The following LRIG1 variants were observed in gnomAD, a reference collection of about 807,000 sequenced individuals.
LRIG1 encodes the protein leucine-rich repeats and immunoglobulin-like domains protein 1.
A neutral mutation model predicts 99.2 loss-of-function variants in LRIG1; 48 were observed. The ratio of observed to expected loss-of-function variants is 0.48; its 90% CI spans 0.38 to 0.62. The LOEUF (loss-of-function observed/expected upper bound fraction) is 0.62, where lower values mean the gene tolerates loss of function less well. Among genes scored for constraint, LRIG1 ranks in the 20% least tolerant of loss-of-function variants. The pLI, the probability that LRIG1 is intolerant of heterozygous loss-of-function variation, is 0.00. For synonymous variants in LRIG1, 772 were observed against 596.1 expected, an observed-to-expected ratio of 1.29 and a Z score of -4.30; for missense variants, 1,646 against 1,434.4, an observed-to-expected ratio of 1.15 and a Z score of -2.38.
At chr3:66,457,836 G>C (rs1356489615) in intron 2 of LRIG1, among the ~76,000 whole-genome samples, 2 of 152,164 alleles carry the variant, frequency 1.3e-5, no homozygotes, top group Admixed American at 1.3e-4. Context: ...AGACGGTACT[G>C]TTGCCATAGA....
At chr3:66,484,324 G>T (rs1035701406) in intron 1 of LRIG1, among the ~76,000 whole-genome samples, 5 of 152,166 alleles carry the variant, frequency 3.3e-5, no homozygotes, top group African/African-American at 7.2e-5. Context: ...CTTCACACTA[G>T]ATTCTGGGAA....
At chr3:66,427,186 G>T (rs919455671) in intron 3 of LRIG1, among the ~76,000 whole-genome samples, 3 of 152,166 alleles carry the variant, frequency 2.0e-5, no homozygotes, top group Non-Finnish European at 4.4e-5. Flanking sequence ...TGCTGCACTG[G>T]AATTCTTACC....
intron 3 of LRIG1, among the ~76,000 whole-genome samples, chr3:66,444,870 TA>T (rs1553720985): frequency 5.2e-3 from 1 of 194 alleles, no homozygotes; most frequent in South Asian, 0.1. Context: ...TTTAGATAAT[TA>T]TATATATATA....
At chr3:66,393,919 C>G in intron 12 of LRIG1, 121 bp downstream of exon 12, 2 of 1,026,830 alleles carry the variant, frequency 1.9e-6, no homozygotes, top group Non-Finnish European at 2.9e-6. Flanking sequence ...CATCCAGCAG[C>G]TGATCTGTAA....
Position 66,474,818 on chromosome 3 carries a change from A to G in LRIG1, c.219-12309T>C, listed in dbSNP as rs573051430. ...AAACTGTATCTTAACCAAATAATGA[A>G]TACTGGTACCTGTGGAATATGAGTT... On this transcript the variant is annotated intron_variant, in intron 1 of 18. Coordinates refer to ENST00000273261, the MANE Select transcript of LRIG1 (RefSeq NM_015541.3). Among the ~76,000 whole-genome samples the G allele has an allele frequency of 3.0e-4, 46 of 152,328 alleles. 1 individual carries two copies. In the South Asian group the frequency reaches 9.5e-3, roughly 32 times the overall value.
intron 3 of LRIG1, among the ~76,000 whole-genome samples, chr3:66,418,791 G>C (rs1040224000): frequency 3.9e-5 from 6 of 152,072 alleles, no homozygotes; most frequent in Non-Finnish European, 8.8e-5. Flanking sequence ...GAAGCTCTGG[G>C]GCTTCTCGTG....
chr3:66,444,308 C>CA (rs1351634951), intron 3 of LRIG1, among the ~76,000 whole-genome samples: 1 of 152,210 alleles, frequency 6.6e-6, no homozygotes, highest in African/African-American at 2.4e-5. Flanking sequence ...ATGTAACAGT[C>CA]ATGGGCCTCC....
chr3:66,380,882 TG>T (rs1202901281), intron 17 of LRIG1, 21 bp from the exon 18 acceptor site: 83 of 1,609,638 alleles, frequency 5.2e-5, no homozygotes, highest in Non-Finnish European at 6.8e-5. Flanking sequence ...GCGCCAAAGA[TG>T]GGTTAGAGTC....
At position 66,397,463 on chromosome 3, in the gene LRIG1, A is replaced by C. The variant is rs547149531; in HGVS notation, c.1304+649T>G. ...CATGTCTAGCTAAAAAAAAAAAAAA[A>C]AAACCAGAAAGGAAAACTTGGGTGT... On this transcript the variant is annotated intron_variant, in intron 11 of 18. Coordinates refer to ENST00000273261, the MANE Select transcript of LRIG1 (RefSeq NM_015541.3). Among the ~76,000 whole-genome samples the C allele has an allele frequency of 6.6e-5, 10 of 151,870 alleles. No homozygotes were observed. In the East Asian group the frequency reaches 1.9e-3, roughly 29 times the overall value.
In LRIG1 at chr3:66,380,207, C is replaced by G. The variant is rs946338659; in HGVS notation, c.*56G>C. ...TTGAACCCAAGCTTCCTCGCAGCCTCTCCTACCTCTCTTTCCCGTAGAGAT... is the reference window on the plus strand; with the variant it reads ...TTGAACCCAAGCTTCCTCGCAGCCTGTCCTACCTCTCTTTCCCGTAGAGAT... On this transcript the variant is annotated 3_prime_UTR_variant, in exon 19 of 19. Transcript: ENST00000273261. The G allele has an allele frequency of 5.5e-6, 8 of 1,466,648 alleles. No individual in the cohort carries two copies. The allele number at this position is 1,466,648 out of a possible 1,614,324, so 90.9% of individuals were successfully genotyped here. A position where few individuals can be genotyped will look rare whatever the true frequency, so the allele number is the denominator to read the frequency against.
At chr3:66,455,291 C>G (rs1260189463) in intron 2 of LRIG1, among the ~76,000 whole-genome samples, 2 of 152,134 alleles carry the variant, frequency 1.3e-5, no homozygotes, top group South Asian at 4.1e-4. Flanking sequence ...GGTATAAGCA[C>G]AGAGTAAAGT....
At chr3:66,429,845 G>C (rs574581426) in intron 3 of LRIG1, among the ~76,000 whole-genome samples, 3 of 125,904 alleles carry the variant, frequency 2.4e-5, no homozygotes, top group African/African-American at 8.8e-5. Flanking sequence ...GGGCATATGG[G>C]AACTCTCCGT....
chr3:66,454,855 G>T (rs960269314), intron 2 of LRIG1, among the ~76,000 whole-genome samples: 1 of 152,168 alleles, frequency 6.6e-6, no homozygotes, highest in Non-Finnish European at 1.5e-5. Flanking sequence ...TACAAAATGT[G>T]ATAAAGGCTA....
At position 66,382,409 on chromosome 3, in the gene LRIG1, A is replaced by T; in HGVS notation, c.2492-11T>A. 2 of 1,614,138 alleles carry T rather than the reference A, an allele frequency of 1.2e-6. No individual in the cohort carries two copies. The highest frequency in any genetic ancestry group is 1.7e-6 in the Non-Finnish European group (2 of 1,180,008). On this transcript the variant is annotated splice_polypyrimidine_tract_variant and intron_variant, in intron 15 of 18. Transcript: ENST00000273261. ...GCACGACGGTTTCATCTGCAAGGAG[A>T]CAGAACAAATAGAACACCAGGGTCT...
intron 3 of LRIG1, among the ~76,000 whole-genome samples, chr3:66,445,523 G>A (rs1703688248): frequency 6.6e-6 from 1 of 151,940 alleles, no homozygotes; most frequent in African/African-American, 2.4e-5. Flanking sequence ...GAATCTCTAC[G>A]CCCACCTCGA....
At chr3:66,399,490 T>C (rs1045829355) in intron 9 of LRIG1, among the ~76,000 whole-genome samples, 5 of 152,098 alleles carry the variant, frequency 3.3e-5, no homozygotes, top group African/African-American at 1.2e-4. Flanking sequence ...CTGCTGACCA[T>C]GACTGGGCAT....
chr3:66,476,625 TG>T (rs1445594046), intron 1 of LRIG1, among the ~76,000 whole-genome samples: 1 of 152,218 alleles, frequency 6.6e-6, no homozygotes, highest in African/African-American at 2.4e-5. Context: ...CGAGACACAC[TG>T]CTGTGTAAAT....
intron 2 of LRIG1, among the ~76,000 whole-genome samples, chr3:66,453,742 C>A (rs1198361750): frequency 6.6e-6 from 1 of 152,172 alleles, no homozygotes; most frequent in Non-Finnish European, 1.5e-5. Context: ...GCTCAAAGGC[C>A]AGCTGGAAAG....
chr3:66,398,263 G>T (rs549240584), intron 10 of LRIG1, 80 bp from the exon 11 acceptor site: 59 of 1,108,820 alleles, frequency 5.3e-5, no homozygotes, highest in South Asian at 1.4e-4. Flanking sequence ...TGGTTTCACA[G>T]ATGACCCACA....
Sources: allele counts gnomAD v4.1 joint callset (sites outside exome capture counted in the v4.1 genomes callset), GRCh38; gene constraint gnomAD v4.1.1; transcripts MANE v1.5; gene names NCBI Gene and HGNC (gene_info 2026-07-23, HGNC 2026-07-21).